MYBPHL: variants seen among roughly 807,000 people sequenced by gnomAD.
MYBPHL encodes the protein myosin-binding protein H-like.
In MYBPHL, 32 loss-of-function variants were observed where a neutral mutation model predicts 39.5. The ratio of observed to expected loss-of-function variants is 0.81; its 90% CI spans 0.61 to 1.09. MYBPHL has a LOEUF of 1.09. MYBPHL is among the 50% of genes least tolerant of loss of function. The pLI is 0.00. For missense variants in MYBPHL, 456 were observed against 460.2 expected, an observed-to-expected ratio of 0.99 and a Z score of 0.08; for synonymous variants, 196 against 183.7, an observed-to-expected ratio of 1.07 and a Z score of -0.54.
At chr1:109,306,757 A>C in intron 1 of MYBPHL, 90 bp downstream of exon 1, 3 of 1,201,378 alleles carry the variant, frequency 2.5e-6, no homozygotes, top group Non-Finnish European at 2.3e-6. Context: ...AGCTCTGCAG[A>C]AAACCTGAGG....
In MYBPHL at chr1:109,293,685, A is replaced by G. The variant is rs1470371565; in HGVS notation, c.*33+521T>C. Among the ~76,000 whole-genome samples the G allele has an allele frequency of 1.3e-4, 19 of 151,754 alleles. 1 individual carries two copies. Among genetic ancestry groups the G allele is most frequent in the Admixed American group, 1.2e-3 (19 of 15,210 alleles). On this transcript the variant is annotated intron_variant, in intron 8 of 8. Transcript: ENST00000357155. ...AACCCGGCAGGCAGAGCTTGCAGTG[A>G]GCCGAGATAGCGCCACTGCACTCCG...
intron 1 of MYBPHL, 140 bp downstream of exon 1, chr1:109,306,707 G>A (rs1202069245): frequency 8.9e-6 from 6 of 676,860 alleles, no homozygotes; most frequent in Non-Finnish European, 1.4e-5. Flanking sequence ...GGGCTCTCAC[G>A]AATGATCTCC....
At chr1:109,292,741 T>C (rs949455638) in intron 8 of MYBPHL, 153 bp from the exon 9 acceptor site, 1 of 152,252 alleles carries the variant, frequency 6.6e-6, no homozygotes, top group Admixed American at 6.5e-5. Context: ...TAGGCTTTCA[T>C]TTGCTACATA....
rs112626007 is a variant in MYBPHL at position 109,298,355 on chromosome 1, C to T, written c.146-98G>A. 6.1e-4 allele frequency: 653 copies of T among 1,062,218 alleles called. 1 individual carries two copies. The African/African-American group carries it at 9.7e-3, about 16-fold the overall frequency. 65.8% of individuals were successfully genotyped at this position (1,062,218 alleles called of 1,614,324 possible). On this transcript the variant is annotated intron_variant, in intron 1 of 8. Coordinates refer to ENST00000357155, the MANE Select transcript of MYBPHL (RefSeq NM_001010985.3). ...GTGGGTGAGTGGCCCAGGAATCGGT[C>T]ACCAAATTAAGCCCTTCTTAGAGGG...
intron 7 of MYBPHL, 63 bp downstream of exon 7, chr1:109,295,048 T>G (rs1658005793): frequency 1.3e-6 from 2 of 1,562,600 alleles, no homozygotes; most frequent in Admixed American, 3.4e-5. Context: ...TCCCTGACTC[T>G]TCCACCGGTG....
At chr1:109,301,254 A>G (rs1321067398) in intron 1 of MYBPHL, among the ~76,000 whole-genome samples, 2 of 152,248 alleles carry the variant, frequency 1.3e-5, no homozygotes, top group Admixed American at 1.3e-4. Context: ...CAAAGCCTAG[A>G]GTCTTTAAGA....
intron 1 of MYBPHL, 50 bp from the exon 2 acceptor site, chr1:109,298,307 A>C (rs368344562): frequency 1.3e-6 from 2 of 1,533,134 alleles, no homozygotes; most frequent in African/African-American, 2.8e-5. Context: ...AGAGAAAGTA[A>C]ATCCTGCATC....
In MYBPHL at chr1:109,296,962, G is replaced by T. The variant is rs936624080; in HGVS notation, c.571-20C>A. ...CCACAGCTGCGGGGCCGAACATGAT[G>T]CCAGAAATCAGCCACCCCATGTGGA... On this transcript the variant is annotated intron_variant, in intron 4 of 8. Coordinates refer to ENST00000357155, the MANE Select transcript of MYBPHL (RefSeq NM_001010985.3). 5.6e-6 allele frequency: 9 copies of T among 1,613,954 alleles called. No homozygotes were observed. Among genetic ancestry groups the T allele is most frequent in the Non-Finnish European group, 7.6e-6 (9 of 1,179,860 alleles).
chr1:109,301,172 A>C (rs889097473), intron 1 of MYBPHL, among the ~76,000 whole-genome samples: 8 of 152,066 alleles, frequency 5.3e-5, no homozygotes, highest in Non-Finnish European at 7.4e-5. Flanking sequence ...AATTGTACTG[A>C]CCTTGGGGAG....
chr1:109,293,657 A>G (rs940396268), intron 8 of MYBPHL, among the ~76,000 whole-genome samples: 3 of 151,316 alleles, frequency 2.0e-5, no homozygotes, highest in African/African-American at 4.9e-5. Context: ...GGAGAATGGC[A>G]TGAACCCGGC....
At position 109,297,544 on chromosome 1, in the gene MYBPHL, T is replaced by C. The variant is rs143276725; in HGVS notation, c.308A>G (p.Asn103Ser). Residue 103 changes from asparagine (N) to serine (S), a missense_variant, in exon 3 of 9, where the codon AAT becomes AGT. Transcript: ENST00000357155. ...ALDTRRVSVR[N>S]GEQDSILFIR... ...GAAGAGGATGGAGTCTTGCTCCCCATTCCGCACACTCACACGCCTGGTGTC... is the reference window on the plus strand; with the variant it reads ...GAAGAGGATGGAGTCTTGCTCCCCACTCCGCACACTCACACGCCTGGTGTC... 3.3e-5 allele frequency: 54 copies of C among 1,613,792 alleles called. No individual in the cohort carries two copies. In the African/African-American group the frequency reaches 6.9e-4, roughly 21 times the overall value.
chr1:109,306,711 G>T (rs1268921923), intron 1 of MYBPHL, 136 bp downstream of exon 1: 2 of 691,492 alleles, frequency 2.9e-6, no homozygotes, highest in African/African-American at 3.8e-5. Context: ...TCTCACGAAT[G>T]ATCTCCAGCC....
chr1:109,297,055 A>G lies in MYBPHL; in HGVS notation c.565T>C (p.Ser189Pro). The stretch of plus-strand genomic sequence containing the variant: ...TCCTTCCCAGCTGGCCTCACCCCGG[A>G]TTTTGTGTCAGCCTTCTGCACCGTG... ...GYTVQKADTK[S>P]GLWFTVLEHY... is the part of the protein sequence containing the mutation. The change falls in exon 4 of 9, where the codon TCC becomes CCC. Residue 189 changes from serine to proline, a missense_variant. Transcript: ENST00000357155. The G allele has an allele frequency of 6.2e-7, 1 of 1,613,706 alleles. No individual in the cohort carries two copies. Among genetic ancestry groups the G allele is most frequent in the Non-Finnish European group, 8.5e-7 (1 of 1,179,960 alleles).
intron 1 of MYBPHL, among the ~76,000 whole-genome samples, chr1:109,306,379 C>G (rs953677529): frequency 2.0e-5 from 3 of 152,094 alleles, no homozygotes; most frequent in African/African-American, 7.2e-5. Flanking sequence ...GTCCTGACCC[C>G]GTGGTACTGC....
chr1:109,300,759 G>A (rs72975275), intron 1 of MYBPHL, among the ~76,000 whole-genome samples: 2,444 of 148,404 alleles, frequency 0.016, 70 homozygotes, highest in African/African-American at 0.061. Flanking sequence ...GAGGCTGCCC[G>A]CGAGAGCAAG....
chr1:109,300,758 C>T (rs537665715), intron 1 of MYBPHL, among the ~76,000 whole-genome samples: 3 of 148,166 alleles, frequency 2.0e-5, no homozygotes, highest in East Asian at 3.9e-4. Flanking sequence ...GGAGGCTGCC[C>T]GCGAGAGCAA....
intron 1 of MYBPHL, among the ~76,000 whole-genome samples, chr1:109,305,795 C>A (rs1658446609): frequency 6.6e-6 from 1 of 152,234 alleles, no homozygotes. Flanking sequence ...GTCTGCTGCA[C>A]AACCCTATGG....
intron 1 of MYBPHL, among the ~76,000 whole-genome samples, chr1:109,306,138 TGAGCGCCACGAA>T (rs1213597464): frequency 6.6e-6 from 1 of 152,158 alleles, no homozygotes; most frequent in East Asian, 1.9e-4. Flanking sequence ...GACTTTCAGG[TGAGCGCCACGAA>T]GTGGTTAGCT....
intron 1 of MYBPHL, among the ~76,000 whole-genome samples, chr1:109,300,803 C>T (rs947947716): frequency 4.6e-5 from 7 of 152,226 alleles, no homozygotes; most frequent in African/African-American, 1.7e-4. Flanking sequence ...GCAGTCTCTC[C>T]CTCCCTGGAC....
Sources: allele counts gnomAD v4.1 joint callset (sites outside exome capture counted in the v4.1 genomes callset), GRCh38; gene constraint gnomAD v4.1.1; transcripts MANE v1.5; gene names NCBI Gene and HGNC (gene_info 2026-07-23, HGNC 2026-07-21).